MYO5B: variants seen among roughly 807,000 people sequenced by gnomAD.
The protein encoded by MYO5B is myosin VB, also known as unconventional myosin-Vb.
Under a neutral mutation model 229.3 loss-of-function variants are expected in MYO5B, and 143 were observed. The ratio of observed to expected loss-of-function variants is 0.62; its 90% CI spans 0.54 to 0.72. MYO5B has a LOEUF of 0.72. Ranked by LOEUF, MYO5B falls within the 30% of genes least tolerant of loss-of-function variation. MYO5B has a pLI of 0.00. For synonymous variants in MYO5B, 918 were observed against 885.2 expected (o/e 1.04, Z -0.66); for missense variants, 2,321 against 2,331.0 (o/e 1.00, Z 0.09).
intron 2 of MYO5B, among the ~76,000 whole-genome samples, chr18:50,048,669 C>A (rs1350934371): frequency 6.6e-6 from 1 of 152,106 alleles, no homozygotes; most frequent in African/African-American, 2.4e-5. Context: ...TCTCTGCCAC[C>A]CTAAGCGTTC....
intron 22 of MYO5B, among the ~76,000 whole-genome samples, chr18:49,887,876 A>T (rs552476838): frequency 6.1e-4 from 93 of 151,640 alleles, no homozygotes; most frequent in Non-Finnish European, 1.1e-3. Context: ...TTTAGTAGAG[A>T]CGTGTTTCAT....
At chr18:49,938,876 C>T (rs900965306) in intron 14 of MYO5B, among the ~76,000 whole-genome samples, 2 of 150,530 alleles carry the variant, frequency 1.3e-5, no homozygotes, top group Non-Finnish European at 3.0e-5. Flanking sequence ...CCTCCCGTGA[C>T]CCTCTCCCAA....
chr18:50,128,555 C>T lies in MYO5B; in HGVS notation c.27+66212G>A, dbSNP rs370269287. 8.1e-4 allele frequency among the ~76,000 whole-genome samples: 124 copies of T among 152,256 alleles called. 1 individual carries two copies. The highest frequency in any genetic ancestry group is 7.1e-3 in the South Asian group (34 of 4,818). ...GAAGACATGTGGGGTGCGATAGCAG[C>T]GCCTAGCTCAGTGACAGGAAGTCTC... On this transcript the variant is annotated intron_variant, in intron 1 of 39. Transcript: ENST00000285039.
chr18:50,158,679 A>G (rs1411779665), intron 1 of MYO5B, among the ~76,000 whole-genome samples: 2 of 152,196 alleles, frequency 1.3e-5, no homozygotes, highest in African/African-American at 4.8e-5. Context: ...AGGAGGTGAC[A>G]TATTTTTTCC....
chr18:49,906,692 T>C, intron 18 of MYO5B, 62 bp from the exon 19 acceptor site: 2 of 1,395,888 alleles, frequency 1.4e-6, no homozygotes, highest in Non-Finnish European at 2.0e-6. Flanking sequence ...ACATGGCCCA[T>C]ACCACCCTTG....
At chr18:49,888,575 G>T (rs1453135587) in intron 22 of MYO5B, among the ~76,000 whole-genome samples, 1 of 152,212 alleles carries the variant, frequency 6.6e-6, no homozygotes, top group Non-Finnish European at 1.5e-5. Context: ...TGCAGCACGG[G>T]CACTGAGAAA....
intron 35 of MYO5B, among the ~76,000 whole-genome samples, chr18:49,839,621 T>G (rs1041407811): frequency 6.6e-6 from 1 of 152,254 alleles, no homozygotes; most frequent in African/African-American, 2.4e-5. Context: ...TTTCCCTTCA[T>G]CCAGCGCTTT....
intron 1 of MYO5B, among the ~76,000 whole-genome samples, chr18:50,093,904 C>A (rs981054098): frequency 2.0e-5 from 3 of 152,326 alleles, no homozygotes; most frequent in South Asian, 2.1e-4. Context: ...GAATTGCCCA[C>A]CCCTTTCCCG....
intron 1 of MYO5B, among the ~76,000 whole-genome samples, chr18:50,118,626 C>CT (rs11429821): frequency 0.58 from 79,767 of 137,960 alleles, 23,493 homozygotes; most frequent in East Asian, 0.71. Context: ...GTTGGCATTT[C>CT]TTTTTTTTTT....
chr18:50,097,322 G>A, intron 1 of MYO5B: 1 of 455,822 alleles, frequency 2.2e-6, no homozygotes, highest in South Asian at 1.6e-5. Flanking sequence ...TGCAGGCACA[G>A]TGAAGGCAGA....
At chr18:49,881,389 G>T (rs2024583656) in intron 22 of MYO5B, among the ~76,000 whole-genome samples, 1 of 151,758 alleles carries the variant, frequency 6.6e-6, no homozygotes, top group Non-Finnish European at 1.5e-5. Context: ...ATCTAGTGCT[G>T]GACTTCTGAT....
chr18:50,114,183 C>T (rs1031448724), intron 1 of MYO5B, among the ~76,000 whole-genome samples: 3 of 151,640 alleles, frequency 2.0e-5, no homozygotes, highest in Non-Finnish European at 4.4e-5. Context: ...TGCCAGCCAG[C>T]AAAAGTTAAA....
At chr18:50,077,506 C>A (rs866314038) in intron 1 of MYO5B, among the ~76,000 whole-genome samples, 46 of 103,520 alleles carry the variant, frequency 4.4e-4, no homozygotes, top group African/African-American at 2.6e-3. Flanking sequence ...CACACAAACA[C>A]ACACACACAC....
chr18:49,942,907 C>T (rs1398106693), intron 14 of MYO5B, among the ~76,000 whole-genome samples: 1 of 152,104 alleles, frequency 6.6e-6, no homozygotes, highest in African/African-American at 2.4e-5. Flanking sequence ...TATAAAGACA[C>T]ATGCACATGT....
At chr18:49,845,663 G>A (rs986178239) in intron 33 of MYO5B, among the ~76,000 whole-genome samples, 4 of 152,190 alleles carry the variant, frequency 2.6e-5, no homozygotes, top group African/African-American at 4.8e-5. Context: ...TGCTGGCTCA[G>A]GGTCCAGAGG....
intron 13 of MYO5B, among the ~76,000 whole-genome samples, chr18:49,953,706 C>G (rs972281548): frequency 2.0e-5 from 3 of 152,120 alleles, no homozygotes; most frequent in Non-Finnish European, 4.4e-5. Context: ...TAGTGCATAG[C>G]AAACAGAAAT....
chr18:49,957,141 G>GAAAAAAAAAAAAAAAAAAA (rs2025501586), intron 12 of MYO5B, among the ~76,000 whole-genome samples: 1 of 11,800 alleles, frequency 8.5e-5, no homozygotes, highest in Non-Finnish European at 1.7e-4. Flanking sequence ...AAATAAAGTA[G>GAAAAAAAAAAAAAAAAAAA]CAAAAAAAAA....
At chr18:50,184,959 C>T (rs2033127584) in intron 1 of MYO5B, among the ~76,000 whole-genome samples, 1 of 151,572 alleles carries the variant, frequency 6.6e-6, no homozygotes, top group South Asian at 2.1e-4. Flanking sequence ...TGCCTGTTCC[C>T]AGCTACTTGG....
chr18:49,959,121 T>A (rs1336570005), intron 12 of MYO5B, among the ~76,000 whole-genome samples: 6 of 143,968 alleles, frequency 4.2e-5, no homozygotes, highest in Non-Finnish European at 7.7e-5. Flanking sequence ...TGACATTCCC[T>A]TCACCTGGAA....
Sources: gnomAD v4.1 joint callset for allele counts (sites outside exome capture counted in the v4.1 genomes callset) on GRCh38, gnomAD v4.1.1 for gene constraint, MANE v1.5 for transcripts, NCBI Gene and HGNC (gene_info 2026-07-23, HGNC 2026-07-21) for gene names.